The following DST variants were observed in gnomAD, a reference collection of about 807,000 sequenced individuals.
DST encodes the protein dystonin.
A neutral mutation model predicts 875.2 loss-of-function variants in DST; 253 were observed. That is an observed-to-expected ratio of 0.29 (90% CI 0.26 to 0.32). The LOEUF is 0.32. DST is among the 10% of genes least tolerant of loss of function. The probability of loss-of-function intolerance (pLI) is 1.00; values close to 1 mark genes in which losing one functional copy is unlikely to be tolerated. For missense variants in DST, 8,287 were observed against 9,111.6 expected (o/e 0.91, Z 3.68); for synonymous variants, 3,124 against 3,197.1 (o/e 0.98, Z 0.77).
Position 56,492,248 on chromosome 6 carries a change from A to G in DST, c.20736T>C (p.Asp6912=). 3 of 1,613,832 alleles carry G rather than the reference A, an allele frequency of 1.9e-6. No homozygotes were observed. The highest frequency in any genetic ancestry group is 2.5e-6 in the Non-Finnish European group (3 of 1,179,776). The part of the protein sequence containing the change: ...RLVERGRSLD[D]ARKRAKQFHE... ...TTACCTGCTTGGCTCTCTTCCTTGC[A>G]TCATCCAAAGATCTTCCTCTCTCTA... The change falls in exon 85 of 104, where the codon GAT becomes GAC. Residue 6912 remains aspartate, a synonymous_variant. Transcript: ENST00000680361.
chr6:56,926,823 C>T (rs1246433512), intron 2 of DST, among the ~76,000 whole-genome samples: 1 of 152,090 alleles, frequency 6.6e-6, no homozygotes, highest in African/African-American at 2.4e-5. Context: ...TTATGCTTCA[C>T]CTCAGGAATA....
intron 4 of DST, among the ~76,000 whole-genome samples, chr6:56,844,853 C>T (rs950105347): frequency 4.9e-5 from 7 of 142,976 alleles, no homozygotes; most frequent in African/African-American, 1.8e-4. Context: ...GCCTGGGCGA[C>T]AGAGCAAGAC....
chr6:56,799,939 T>A (rs76279119), intron 4 of DST, among the ~76,000 whole-genome samples: 3,243 of 152,296 alleles, frequency 0.021, 105 homozygotes, highest in African/African-American at 0.07. Context: ...CAATCTTTTT[T>A]AATTAAGGTG....
chr6:56,611,439 C>T (rs1443135779), intron 38 of DST, 69 bp downstream of exon 38: 1 of 1,064,656 alleles, frequency 9.4e-7, no homozygotes, highest in Non-Finnish European at 1.4e-6. Flanking sequence ...TTTACCACCT[C>T]TGTTTTGCTG....
intron 49 of DST, among the ~76,000 whole-genome samples, chr6:56,586,551 A>G (rs146322359): frequency 0.034 from 5,190 of 151,952 alleles, 284 homozygotes; most frequent in African/African-American, 0.12. Flanking sequence ...TCTTGATCCA[A>G]TTTGCCAGTC....
At position 56,504,338 on chromosome 6, in the gene DST, C is replaced by G. The variant is rs532611200; in HGVS notation, c.19465-240G>C. ...AAAGAAATTGTTTATTCAATAGATT[C>G]TTGATATATTATGAACTTCTAAAAA... On this transcript the variant is annotated intron_variant, in intron 77 of 103. Coordinates refer to ENST00000680361, the MANE Select transcript of DST (RefSeq NM_001374736.1). Among the ~76,000 whole-genome samples the G allele has an allele frequency of 1.1e-4, 17 of 152,058 alleles. No individual in the cohort carries two copies. In the South Asian group the frequency reaches 1.7e-3, roughly 15 times the overall value.
intron 4 of DST, among the ~76,000 whole-genome samples, chr6:56,799,844 G>A (rs530828324): frequency 1.5e-4 from 23 of 151,850 alleles, no homozygotes; most frequent in Non-Finnish European, 2.9e-4. Flanking sequence ...AGCTGGTCTC[G>A]AACTTCTGAC....
At position 56,548,052 on chromosome 6, in the gene DST, T is replaced by A. The variant is rs1045852366; in HGVS notation, c.16608+4132A>T. On this transcript the variant is annotated intron_variant, in intron 61 of 103. Coordinates refer to ENST00000680361, the MANE Select transcript of DST (RefSeq NM_001374736.1). ...CCAGAAATAAACTGTAAGCAGGTTC[T>A]GAGGTAAGGCATTTTTTCACAATGG... 3.3e-5 allele frequency among the ~76,000 whole-genome samples: 5 copies of A among 152,212 alleles called. No individual in the cohort carries two copies. In the East Asian group the frequency reaches 9.6e-4, roughly 29 times the overall value.
At position 56,557,386 on chromosome 6, in the gene DST, A is replaced by G. The variant is rs1031266084; in HGVS notation, c.14573T>C (p.Met4858Thr). 5.0e-6 allele frequency: 8 copies of G among 1,613,810 alleles called. No homozygotes were observed. The highest frequency in any genetic ancestry group is 1.1e-5 in the South Asian group (1 of 91,056). The change falls in exon 59 of 104, where the codon ATG becomes ACG. Residue 4858 changes from methionine to threonine, a missense_variant. Around this residue, in one of 10 missense-constraint regions of DST, gnomAD observed 1,513 missense variants for 1,677.8 expected, o/e 0.90. Coordinates refer to ENST00000680361, the MANE Select transcript of DST (RefSeq NM_001374736.1). ...TGACAAGGGCCCAAGAACACTGACC[A>G]TAAGTTCTTTTTCCACAAGCCACTG... ...LKQWLVEKELMVSVLGPLSID... is the reference protein window; with the variant it reads ...LKQWLVEKELTVSVLGPLSID...
At chr6:56,705,560 A>G (rs1467847495) in intron 5 of DST, among the ~76,000 whole-genome samples, 1 of 152,214 alleles carries the variant, frequency 6.6e-6, no homozygotes, top group Admixed American at 6.5e-5. Context: ...CTCTCTATAT[A>G]TATGTTTTAC....
At chr6:56,673,884 T>C (rs1228065248) in intron 9 of DST, among the ~76,000 whole-genome samples, 2 of 152,322 alleles carry the variant, frequency 1.3e-5, no homozygotes, top group South Asian at 2.1e-4. Context: ...TTCCTGCTAC[T>C]TCCAATAAAC....
At chr6:56,477,220 G>T in intron 91 of DST, 125 bp downstream of exon 91, 2 of 1,058,426 alleles carry the variant, frequency 1.9e-6, no homozygotes, top group Non-Finnish European at 2.6e-6. Context: ...GTATTTAAAA[G>T]AACGTTTTCT....
At chr6:56,810,893 A>T (rs935790298) in intron 4 of DST, among the ~76,000 whole-genome samples, 18 of 152,016 alleles carry the variant, frequency 1.2e-4, no homozygotes, top group Non-Finnish European at 2.6e-4. Context: ...AAAAAAGTAG[A>T]ATGGGAAGCT....
At chr6:56,833,042 T>C (rs2099789180) in intron 4 of DST, among the ~76,000 whole-genome samples, 1 of 152,150 alleles carries the variant, frequency 6.6e-6, no homozygotes, top group African/African-American at 2.4e-5. Context: ...CCCTGACTTA[T>C]TTTCAACATT....
intron 36 of DST, chr6:56,618,110 G>T (rs753300008): frequency 6.2e-7 from 1 of 1,614,084 alleles, no homozygotes; most frequent in Admixed American, 1.7e-5. Flanking sequence ...TCTTGTAATG[G>T]GGTTTGTCTC....
chr6:56,934,562 A>ATAT (rs1186718467), intron 2 of DST, among the ~76,000 whole-genome samples: 1,552 of 31,348 alleles, frequency 0.05, 38 homozygotes, highest in African/African-American at 0.13. Context: ...ATATTATATT[A>ATAT]TATATATATA....
intron 4 of DST, among the ~76,000 whole-genome samples, chr6:56,782,886 C>G (rs1406917406): frequency 1.3e-5 from 2 of 152,126 alleles, no homozygotes; most frequent in Non-Finnish European, 2.9e-5. Context: ...CCTCTACACA[C>G]TGCTTTGAAT....
In DST at chr6:56,607,762, T is replaced by G. The variant is rs377291944; in HGVS notation, c.6866A>C (p.His2289Pro). Residue 2289 changes from histidine (H) to proline (P), a missense_variant, in exon 40 of 104, where the codon CAT (histidine) becomes CCT (proline). Around this residue, in one of 10 missense-constraint regions of DST, gnomAD observed 3,138 missense variants for 3,116.6 expected, o/e 1.01. Transcript: ENST00000680361. ...FNKCHCGEPE[H>P]EETPENRKCA... ...CTTTCTATTTTCAGGAGTCTCTTCA[T>G]GTTCAGGTTCTCCACAGTGACATTT... 5 of 1,613,396 alleles carry G rather than the reference T, an allele frequency of 3.1e-6. No homozygotes were observed. The African/African-American group carries it at 6.7e-5, about 22-fold the overall frequency.
At chr6:56,618,278 T>A in intron 36 of DST, 2 of 1,614,098 alleles carry the variant, frequency 1.2e-6, no homozygotes, top group Non-Finnish European at 1.7e-6. Context: ...TTCCAATGGC[T>A]GTGGTTCTTG....
Sources: gnomAD v4.1 joint callset for allele counts (sites outside exome capture counted in the v4.1 genomes callset) on GRCh38, gnomAD v4.1.1 for gene constraint, gnomAD v4.1.1 regional missense constraint, MANE v1.5 for transcripts, NCBI Gene and HGNC (gene_info 2026-07-23, HGNC 2026-07-21) for gene names.